DHRSX: variants seen among roughly 807,000 people sequenced by gnomAD.
The protein encoded by DHRSX is dehydrogenase/reductase X-linked.
DHRSX carries 31 observed loss-of-function variants against 34.0 expected under a neutral mutation model. That is an observed-to-expected ratio of 0.91 (90% CI 0.69 to 1.23). DHRSX has a LOEUF of 1.23. Among genes scored for constraint, DHRSX ranks in the 50% most tolerant of loss-of-function variants. The probability of loss-of-function intolerance (pLI) is 0.00; values close to 1 mark genes in which losing one functional copy is unlikely to be tolerated. For missense variants in DHRSX, 414 were observed against 428.1 expected (o/e 0.97, Z 0.29); for synonymous variants, 201 against 183.8 (o/e 1.09, Z -0.76).
intron 1 of DHRSX, among the ~76,000 whole-genome samples, chrX:2,451,566 A>T (rs1323621816): frequency 6.6e-6 from 1 of 152,170 alleles, no homozygotes; most frequent in Non-Finnish European, 1.5e-5. Flanking sequence ...TGGACGGGGC[A>T]GGGGAAGGAA....
Position 2,243,478 on chromosome X carries a change from T to A in DHRSX, c.597-248A>T, listed in dbSNP as rs147072328. Among the ~76,000 whole-genome samples, 321 of 152,126 alleles carry A rather than the reference T, an allele frequency of 2.1e-3. 1 individual carries two copies. The highest frequency in any genetic ancestry group is 2.9e-3 in the African/African-American group (120 of 41,534). ...GATATGTTAAATTATGTTACTAATT[T>A]TTTATTTATTTATTTATTTATTTTG... On this transcript the variant is annotated intron_variant, in intron 5 of 6. Transcript: ENST00000334651.
At chrX:2,257,764 T>C (rs1414863350) in intron 5 of DHRSX, among the ~76,000 whole-genome samples, 2 of 152,150 alleles carry the variant, frequency 1.3e-5, no homozygotes, top group Non-Finnish European at 2.9e-5. Context: ...TAGCTGGGGT[T>C]ATAGGCACCT....
chrX:2,331,846 T>G (rs1317879316), intron 3 of DHRSX, among the ~76,000 whole-genome samples: 1 of 152,154 alleles, frequency 6.6e-6, no homozygotes, highest in Non-Finnish European at 1.5e-5. Context: ...AAGGGTCAAC[T>G]GATGTGACAA....
intron 1 of DHRSX, among the ~76,000 whole-genome samples, chrX:2,429,734 A>C (rs2124655063): frequency 6.6e-6 from 1 of 152,008 alleles, no homozygotes; most frequent in Non-Finnish European, 1.5e-5. Flanking sequence ...GGATTCCAGG[A>C]GTGCACCCTG....
chrX:2,358,464 G>A (rs977980134), intron 3 of DHRSX, among the ~76,000 whole-genome samples: 11 of 152,060 alleles, frequency 7.2e-5, no homozygotes, highest in Non-Finnish European at 1.0e-4. Flanking sequence ...TTGGGAGGCC[G>A]AGGCGGGTGG....
chrX:2,488,744 G>T, intron 1 of DHRSX: 1 of 1,613,912 alleles, frequency 6.2e-7, no homozygotes, highest in Non-Finnish European at 8.5e-7. Context: ...CTGGTCCTCG[G>T]GTTCCGCCTC....
chrX:2,310,495 A>G lies in DHRSX; in HGVS notation c.287-18892T>C, dbSNP rs929936113. Among the ~76,000 whole-genome samples, 8 of 151,808 alleles carry G rather than the reference A, an allele frequency of 5.3e-5. No homozygotes were observed. The East Asian group carries it at 1.4e-3, about 26-fold the overall frequency. ...AGGCAGCTATCCATCTGCCCCTAAG[A>G]CCTACTGTGAAAGACGCTGCAGCGA... is the stretch of plus-strand genomic sequence containing the variant. On this transcript the variant is annotated intron_variant, in intron 3 of 6. Coordinates refer to ENST00000334651, the MANE Select transcript of DHRSX (RefSeq NM_145177.3).
intron 1 of DHRSX, among the ~76,000 whole-genome samples, chrX:2,459,164 A>T (rs999234220): frequency 3.9e-5 from 6 of 151,990 alleles, no homozygotes; most frequent in African/African-American, 1.4e-4. Context: ...TTAAAATTAA[A>T]TTTTTTCAGT....
chrX:2,232,804 C>T (rs112933789), intron 6 of DHRSX, among the ~76,000 whole-genome samples: 122,409 of 151,868 alleles, frequency 0.81, 49,669 homozygotes, highest in East Asian at 0.95. Context: ...GAACTCCTGA[C>T]CTCATGATTC....
chrX:2,244,587 T>G (rs2016233482), intron 5 of DHRSX, among the ~76,000 whole-genome samples: 1 of 152,204 alleles, frequency 6.6e-6, no homozygotes, highest in Non-Finnish European at 1.5e-5. Flanking sequence ...TTTTCTTTCC[T>G]CTGGGGCTCC....
At chrX:2,404,823 A>G (rs1194592019) in intron 3 of DHRSX, among the ~76,000 whole-genome samples, 2 of 152,208 alleles carry the variant, frequency 1.3e-5, no homozygotes, top group Non-Finnish European at 2.9e-5. Flanking sequence ...GGGTCGGTAC[A>G]AATAAATAAT....
At chrX:2,449,968 C>A (rs2044193788) in intron 1 of DHRSX, among the ~76,000 whole-genome samples, 1 of 152,100 alleles carries the variant, frequency 6.6e-6, no homozygotes, top group African/African-American at 2.4e-5. Flanking sequence ...TGAGAAGACA[C>A]AAATGCCCCC....
At chrX:2,380,489 G>A (rs1408776358) in intron 3 of DHRSX, among the ~76,000 whole-genome samples, 1 of 152,072 alleles carries the variant, frequency 6.6e-6, no homozygotes, top group Non-Finnish European at 1.5e-5. Context: ...GATGGTTCAG[G>A]AGAGATGTAT....
At chrX:2,326,600 G>A (rs1351073253) in intron 3 of DHRSX, among the ~76,000 whole-genome samples, 1 of 152,006 alleles carries the variant, frequency 6.6e-6, no homozygotes, top group Non-Finnish European at 1.5e-5. Context: ...TTTACCTCCG[G>A]GAGCTCCACC....
intron 3 of DHRSX, among the ~76,000 whole-genome samples, chrX:2,294,205 C>T (rs986072764): frequency 1.3e-4 from 19 of 151,106 alleles, no homozygotes; most frequent in African/African-American, 3.7e-4. Flanking sequence ...GAGAGAGGGA[C>T]GGGAGACAGT....
intron 5 of DHRSX, among the ~76,000 whole-genome samples, chrX:2,256,713 G>A (rs1310280655): frequency 6.6e-6 from 1 of 151,800 alleles, no homozygotes; most frequent in Non-Finnish European, 1.5e-5. Context: ...TTCCAAGCCA[G>A]TAAATCAATC....
chrX:2,420,034 A>C (rs1433892715), intron 2 of DHRSX, among the ~76,000 whole-genome samples: 1 of 152,188 alleles, frequency 6.6e-6, no homozygotes, highest in Admixed American at 6.5e-5. Context: ...GCCCAAACAC[A>C]CCAAGACAGG....
chrX:2,499,444 A>G (rs958188326), intron 1 of DHRSX, among the ~76,000 whole-genome samples: 2 of 151,952 alleles, frequency 1.3e-5, no homozygotes, highest in African/African-American at 4.8e-5. Flanking sequence ...ATTCCAGTTC[A>G]CAAATAATTG....
At chrX:2,369,955 C>T (rs1043743206) in intron 3 of DHRSX, among the ~76,000 whole-genome samples, 2 of 151,872 alleles carry the variant, frequency 1.3e-5, no homozygotes, top group African/African-American at 4.8e-5. Context: ...GACTCCCCTA[C>T]TGAAATGTGC....
Sources: allele counts gnomAD v4.1 joint callset (sites outside exome capture counted in the v4.1 genomes callset), GRCh38; gene constraint gnomAD v4.1.1; transcripts MANE v1.5; gene names NCBI Gene and HGNC (gene_info 2026-07-23, HGNC 2026-07-21).